Variants in GPC6 observed in about 807,000 individuals in gnomAD.
GPC6 encodes the protein glypican-6.
A neutral mutation model predicts 55.2 loss-of-function variants in GPC6; 14 were observed. The observed-to-expected ratio is 0.25, with a 90% CI of 0.17 to 0.40. GPC6 has a LOEUF of 0.40. Ranked by LOEUF, GPC6 falls within the 10% of genes least tolerant of loss-of-function variation. The probability of loss-of-function intolerance (pLI) is 1.00; values close to 1 mark genes in which losing one functional copy is unlikely to be tolerated. For missense variants in GPC6, 641 were observed against 708.5 expected (o/e 0.90, Z 1.08); for synonymous variants, 278 against 259.6 (o/e 1.07, Z -0.68).
At chr13:93,883,322 C>CT in intron 3 of GPC6, among the ~76,000 whole-genome samples, 1 of 151,886 alleles carries the variant, frequency 6.6e-6, no homozygotes, top group South Asian at 2.1e-4. Flanking sequence ...ACCAAATTGC[C>CT]CTGCAGAATG....
intron 2 of GPC6, among the ~76,000 whole-genome samples, chr13:93,586,458 C>T (rs1037599131): frequency 4.6e-5 from 7 of 152,028 alleles, no homozygotes; most frequent in African/African-American, 1.5e-4. Context: ...GAAATAAGAC[C>T]ACACACCCAA....
chr13:93,968,729 C>A (rs1464375895), intron 3 of GPC6, among the ~76,000 whole-genome samples: 1 of 152,104 alleles, frequency 6.6e-6, no homozygotes, highest in African/African-American at 2.4e-5. Context: ...TCCATTAGAT[C>A]CTATTCTAAT....
intron 1 of GPC6, among the ~76,000 whole-genome samples, chr13:93,251,063 T>G (rs1036129929): frequency 2.6e-5 from 4 of 151,992 alleles, no homozygotes; most frequent in Non-Finnish European, 5.9e-5. Context: ...CACAAAACAG[T>G]ATGGAGGAAA....
intron 4 of GPC6, among the ~76,000 whole-genome samples, chr13:94,052,065 T>G (rs1883967388): frequency 6.6e-6 from 1 of 152,114 alleles, no homozygotes; most frequent in Admixed American, 6.6e-5. Flanking sequence ...GTTCCCAGTC[T>G]GGTGGGGAGA....
chr13:94,366,226 G>T (rs1331730191), intron 6 of GPC6, among the ~76,000 whole-genome samples: 2 of 152,188 alleles, frequency 1.3e-5, no homozygotes, highest in African/African-American at 4.8e-5. Context: ...GAATTTTTCA[G>T]CAAAACTAAA....
At chr13:94,106,435 G>T (rs9556356) in intron 4 of GPC6, among the ~76,000 whole-genome samples, 5 of 152,292 alleles carry the variant, frequency 3.3e-5, no homozygotes, top group East Asian at 1.9e-4. Context: ...TTTCTGAGAA[G>T]TTGGAAAGTA....
At chr13:94,039,017 T>C (rs1883435842) in intron 4 of GPC6, among the ~76,000 whole-genome samples, 1 of 151,888 alleles carries the variant, frequency 6.6e-6, no homozygotes, top group Admixed American at 6.6e-5. Flanking sequence ...CCAGCAGAGA[T>C]GGCCTTACCC....
intron 6 of GPC6, among the ~76,000 whole-genome samples, chr13:94,337,454 T>TA (rs1361970068): frequency 6.6e-6 from 1 of 151,744 alleles, no homozygotes; most frequent in Non-Finnish European, 1.5e-5. Context: ...TTTCTTTTTT[T>TA]TTTCCTTTTT....
At chr13:93,767,540 C>A (rs531868484) in intron 2 of GPC6, among the ~76,000 whole-genome samples, 4 of 152,124 alleles carry the variant, frequency 2.6e-5, no homozygotes, top group African/African-American at 4.8e-5. Context: ...GCTAAAATAA[C>A]CCCATTTTAG....
chr13:93,541,181 C>A (rs1176158580), intron 1 of GPC6, among the ~76,000 whole-genome samples: 307 of 119,902 alleles, frequency 2.6e-3, no homozygotes, highest in Non-Finnish European at 3.5e-3. Flanking sequence ...CCCCCTCCCC[C>A]CACCCCACAA....
At chr13:93,492,541 A>T (rs2139359308) in intron 1 of GPC6, among the ~76,000 whole-genome samples, 1 of 144,630 alleles carries the variant, frequency 6.9e-6, no homozygotes, top group South Asian at 2.3e-4. Context: ...TGCCCCGGCC[A>T]GAACTTCCAA....
At chr13:93,253,843 G>T (rs1056749252) in intron 1 of GPC6, among the ~76,000 whole-genome samples, 8 of 152,104 alleles carry the variant, frequency 5.3e-5, no homozygotes, top group South Asian at 2.1e-4. Context: ...TAACTACCAA[G>T]GGAGAGATTT....
intron 4 of GPC6, among the ~76,000 whole-genome samples, chr13:94,134,006 G>C (rs958012327): frequency 2.8e-4 from 42 of 152,048 alleles, no homozygotes; most frequent in Admixed American, 2.8e-3. Context: ...CAACATTCCA[G>C]AAGAAAACAG....
intron 4 of GPC6, among the ~76,000 whole-genome samples, chr13:94,238,140 T>A (rs767848578): frequency 1.3e-5 from 2 of 152,130 alleles, no homozygotes; most frequent in African/African-American, 2.4e-5. Flanking sequence ...AAATAAAGAT[T>A]CCTTTTTTAT....
intron 3 of GPC6, among the ~76,000 whole-genome samples, chr13:93,951,723 G>A (rs550840761): frequency 9.2e-5 from 14 of 152,098 alleles, no homozygotes; most frequent in Non-Finnish European, 1.8e-4. Flanking sequence ...GGTGATTAAC[G>A]TTAGGTAATA....
intron 1 of GPC6, among the ~76,000 whole-genome samples, chr13:93,398,862 GT>G (rs1196794466): frequency 1.3e-5 from 2 of 152,166 alleles, no homozygotes; most frequent in African/African-American, 2.4e-5. Context: ...ACTTGACTAT[GT>G]ATTAGACAAT....
At chr13:94,230,611 C>A (rs1167887141) in intron 4 of GPC6, among the ~76,000 whole-genome samples, 1 of 152,072 alleles carries the variant, frequency 6.6e-6, no homozygotes, top group African/African-American at 2.4e-5. Context: ...AGAACAAAAC[C>A]CATCAGTCTC....
chr13:94,300,291 G>A (rs1875580048), intron 5 of GPC6, among the ~76,000 whole-genome samples: 1 of 152,104 alleles, frequency 6.6e-6, no homozygotes. Flanking sequence ...AGAGGTAAAG[G>A]TATAAAGCTA....
chr13:94,166,943 G>A (rs1888388364), intron 4 of GPC6, among the ~76,000 whole-genome samples: 1 of 152,132 alleles, frequency 6.6e-6, no homozygotes, highest in Non-Finnish European at 1.5e-5. Context: ...AGCTTCAAGT[G>A]CTAAATGGAA....
Sources: gnomAD v4.1 joint callset for allele counts (sites outside exome capture counted in the v4.1 genomes callset) on GRCh38, gnomAD v4.1.1 for gene constraint, MANE v1.5 for transcripts, NCBI Gene and HGNC (gene_info 2026-07-23, HGNC 2026-07-21) for gene names.